Variants in PTBP2 observed in about 807,000 individuals in gnomAD.
PTBP2 encodes polypyrimidine tract-binding protein 2.
In PTBP2, 13 loss-of-function variants were observed where a neutral mutation model predicts 61.4. The ratio of observed to expected loss-of-function variants is 0.21; its 90% confidence interval spans 0.14 to 0.34. The LOEUF is 0.34. Among genes scored for constraint, PTBP2 ranks in the 10% least tolerant of loss-of-function variants. The pLI, the probability that PTBP2 is intolerant of heterozygous loss-of-function variation, is 1.00. For synonymous variants in PTBP2, 215 were observed against 218.5 expected (o/e 0.98, Z 0.14); for missense variants, 405 against 642.6 (o/e 0.63, Z 4.00).
chr1:96,722,928 G>A (rs111233830), intron 1 of PTBP2, among the ~76,000 whole-genome samples: 7 of 152,302 alleles, frequency 4.6e-5, no homozygotes, highest in African/African-American at 1.7e-4. Flanking sequence ...GCAGTATGCA[G>A]CTCTTTTGGG....
Position 96,770,783 on chromosome 1 carries a change from C to T in PTBP2, c.364C>T (p.Arg122Cys), listed in dbSNP as rs370176010. 3.8e-6 allele frequency: 6 copies of T among 1,595,578 alleles called. No homozygotes were observed. Among genetic ancestry groups the T allele is most frequent in the East Asian group, 2.2e-5 (1 of 44,642 alleles). Residue 122 changes from arginine to cysteine, a missense_variant, in exon 5 of 14, where the codon CGT becomes TGT. Coordinates refer to ENST00000674951, the MANE Select transcript of PTBP2 (RefSeq NM_021190.4). ...NYYSAVTPHL[R>C]NQPIYIQYSN... ...CTATTCTGCTGTGACACCTCATCTT[C>T]GTAACCAACCAATATATATCCAGTA...
Position 96,791,826 on chromosome 1 carries a change from C to CTTTTTTTTTT in PTBP2, c.904+6586_904+6595dup, listed in dbSNP as rs1163642886. On this transcript the variant is annotated intron_variant, in intron 8 of 13. Coordinates refer to ENST00000674951, the MANE Select transcript of PTBP2 (RefSeq NM_021190.4). ...TCCACCTCTGTTGCTTGGAGTTGTG[C>CTTTTTTTTTT]TTTTTTTTTTTTTTTTTTTTTTTGA... 2.7e-4 allele frequency among the ~76,000 whole-genome samples: 18 copies of CTTTTTTTTTT among 66,116 alleles called. 1 individual carries two copies. Among genetic ancestry groups the CTTTTTTTTTT allele is most frequent in the South Asian group, 1.1e-3 (2 of 1,740 alleles). 43.4% of individuals were successfully genotyped at this position (66,116 alleles called of 152,430 possible). A position where few individuals can be genotyped will look rare whatever the true frequency, so the allele number is the denominator to read the frequency against.
intron 2 of PTBP2, among the ~76,000 whole-genome samples, chr1:96,724,265 T>C (rs1430472288): frequency 7.0e-6 from 1 of 142,196 alleles, no homozygotes; most frequent in African/African-American, 2.5e-5. Flanking sequence ...GTTTTTTGTT[T>C]TTTTGAGACG....
intron 7 of PTBP2, among the ~76,000 whole-genome samples, chr1:96,778,942 C>T (rs953578442): frequency 6.6e-6 from 1 of 151,952 alleles, no homozygotes; most frequent in Admixed American, 6.6e-5. Context: ...TACCAAGTGC[C>T]GTAGTCTCAT....
At chr1:96,797,935 G>C (rs273864) in intron 8 of PTBP2, among the ~76,000 whole-genome samples, 5 of 152,142 alleles carry the variant, frequency 3.3e-5, no homozygotes, top group African/African-American at 1.2e-4. Context: ...AATTAGCTGG[G>C]TGTGGTGGTG....
chr1:96,821,257 G>T (rs953371386), exon 14 of PTBP2: 9 of 152,032 alleles, frequency 5.9e-5, no homozygotes, highest in African/African-American at 2.2e-4. Context: ...CAAAGTCTTT[G>T]TTCTTTTCTC....
chr1:96,751,408 T>G lies in PTBP2; in HGVS notation c.40-17T>G. ...AATTTAAAGATGTCTTATGCTAATT[T>G]GTTTTTGTTTTCATAGAGAGGATCT... is the stretch of plus-strand genomic sequence containing the variant. On this transcript the variant is annotated splice_polypyrimidine_tract_variant and intron_variant, in intron 2 of 13. Transcript: ENST00000674951. 6.3e-7 allele frequency: 1 copy of G among 1,591,872 alleles called. No individual in the cohort carries two copies. Among genetic ancestry groups the G allele is most frequent in the African/African-American group, 1.3e-5 (1 of 74,458 alleles).
intron 8 of PTBP2, among the ~76,000 whole-genome samples, chr1:96,787,081 C>T (rs1158484116): frequency 1.1e-4 from 16 of 152,136 alleles, no homozygotes; most frequent in East Asian, 5.8e-4. Context: ...AGTGTGGTGG[C>T]GCAGTCTCGG....
intron 3 of PTBP2, among the ~76,000 whole-genome samples, chr1:96,762,622 G>A (rs1445063095): frequency 1.4e-5 from 2 of 146,876 alleles, no homozygotes; most frequent in African/African-American, 2.5e-5. Flanking sequence ...GGGCGGCCGG[G>A]CAGAGGCGCC....
In PTBP2 at chr1:96,812,639, T is replaced by C. The variant is rs577916521; in HGVS notation, c.1172-73T>C. 696 of 1,203,406 alleles carry C rather than the reference T, an allele frequency of 5.8e-4. 2 individuals are homozygous for C. The highest frequency in any genetic ancestry group is 3.6e-3 in the South Asian group (242 of 67,224). 74.5% of individuals were successfully genotyped at this position (1,203,406 alleles called of 1,614,324 possible). On this transcript the variant is annotated intron_variant, in intron 11 of 13. Coordinates refer to ENST00000674951, the MANE Select transcript of PTBP2 (RefSeq NM_021190.4). ...CATAAGAAAATTCAAATTTTTAAAC[T>C]GTTACGTTAAAAGAATTATGTTTGT...
intron 3 of PTBP2, among the ~76,000 whole-genome samples, chr1:96,756,132 C>G (rs962278423): frequency 4.6e-5 from 7 of 152,204 alleles, no homozygotes; most frequent in Non-Finnish European, 1.0e-4. Context: ...GGCACAGTGG[C>G]TTACGCCTGT....
At chr1:96,784,307 A>C (rs930032649) in intron 7 of PTBP2, among the ~76,000 whole-genome samples, 1 of 151,944 alleles carries the variant, frequency 6.6e-6, no homozygotes, top group Non-Finnish European at 1.5e-5. Context: ...ATAACCCTTG[A>C]AGAAGCATGA....
At chr1:96,799,122 T>C (rs1557767779) in intron 8 of PTBP2, among the ~76,000 whole-genome samples, 5 of 152,104 alleles carry the variant, frequency 3.3e-5, no homozygotes. Flanking sequence ...AGAACTAACA[T>C]GAGAATTTTA....
chr1:96,733,292 T>C (rs1412890426), intron 2 of PTBP2, among the ~76,000 whole-genome samples: 1 of 152,128 alleles, frequency 6.6e-6, no homozygotes, highest in Admixed American at 6.5e-5. Flanking sequence ...ACAGGGACCT[T>C]GTGATTACAA....
intron 7 of PTBP2, chr1:96,784,839 T>A: frequency 2.3e-6 from 1 of 435,474 alleles, no homozygotes; most frequent in Non-Finnish European, 4.0e-6. Context: ...TGGTTGTATT[T>A]TAGGTTGAAG....
intron 2 of PTBP2, 107 bp downstream of exon 2, chr1:96,723,701 A>G: frequency 1.0e-6 from 1 of 966,120 alleles, no homozygotes; most frequent in Non-Finnish European, 1.6e-6. Flanking sequence ...AACAAAACCC[A>G]AGTGTAAAAT....
At chr1:96,741,952 G>A (rs1392791680) in intron 2 of PTBP2, among the ~76,000 whole-genome samples, 1 of 152,134 alleles carries the variant, frequency 6.6e-6, no homozygotes, top group East Asian at 1.9e-4. Flanking sequence ...GTACAACAGT[G>A]TCTTAATTAC....
At chr1:96,733,395 C>T (rs1287151380) in intron 2 of PTBP2, among the ~76,000 whole-genome samples, 1 of 152,110 alleles carries the variant, frequency 6.6e-6, no homozygotes, top group East Asian at 1.9e-4. Flanking sequence ...CAAGAAAGGG[C>T]TTTGCTGGAA....
chr1:96,751,637 A>G (rs970991519), intron 3 of PTBP2, 137 bp downstream of exon 3: 1 of 629,270 alleles, frequency 1.6e-6, no homozygotes, highest in Non-Finnish European at 2.8e-6. Context: ...AAATTTTACT[A>G]AAGTATATAT....
Sources: allele counts gnomAD v4.1 joint callset (sites outside exome capture counted in the v4.1 genomes callset), GRCh38; gene constraint gnomAD v4.1.1; transcripts MANE v1.5; gene names NCBI Gene and HGNC (gene_info 2026-07-23, HGNC 2026-07-21).